The following MYOM1 variants were observed in gnomAD, a reference collection of about 807,000 sequenced individuals.
MYOM1 encodes myomesin-1.
Under a neutral mutation model 205.3 loss-of-function variants are expected in MYOM1, and 164 were observed. The observed-to-expected ratio is 0.80, with a 90% CI of 0.70 to 0.91. The LOEUF is 0.91. Among genes scored for constraint, MYOM1 ranks in the 40% least tolerant of loss-of-function variants. The pLI, the probability that MYOM1 is intolerant of heterozygous loss-of-function variation, is 0.00. For synonymous variants in MYOM1, 772 were observed against 789.4 expected (o/e 0.98, Z 0.37); for missense variants, 2,011 against 2,127.3 (o/e 0.95, Z 1.08).
At chr18:3,070,068 T>C (rs1463277474) in intron 37 of MYOM1, among the ~76,000 whole-genome samples, 1 of 152,240 alleles carries the variant, frequency 6.6e-6, no homozygotes, top group African/African-American at 2.4e-5. Flanking sequence ...ATGTCTTCAC[T>C]GCCCTTTGAA....
chr18:3,103,723 T>C (rs935105544), intron 22 of MYOM1, among the ~76,000 whole-genome samples: 32 of 152,238 alleles, frequency 2.1e-4, no homozygotes, highest in African/African-American at 7.5e-4. Flanking sequence ...CCTGGCCTAC[T>C]GTCCAATAAA....
rs548046452 is a variant in MYOM1, at chr18:3,102,338, T to C, written c.3575+136A>G. The C allele has an allele frequency of 3.1e-6, 3 of 955,526 alleles. No individual in the cohort carries two copies. The African/African-American group carries it at 5.0e-5, about 16-fold the overall frequency. The allele number at this position is 955,526 out of a possible 1,614,324, so 59.2% of individuals were successfully genotyped here. On this transcript the variant is annotated intron_variant, in intron 23 of 37. Transcript: ENST00000356443. Reference sequence around the variant, plus strand: ...TATTTTTAAGGTTTAAGTTGGTTATTATTTTCTACAATACCAGATATAAAA... The same window carrying C: ...TATTTTTAAGGTTTAAGTTGGTTATCATTTTCTACAATACCAGATATAAAA...
At chr18:3,084,980 A>C in intron 31 of MYOM1, 65 bp downstream of exon 31, 1 of 1,240,716 alleles carries the variant, frequency 8.1e-7, no homozygotes, top group Non-Finnish European at 1.1e-6. Flanking sequence ...CTCGGCCTCA[A>C]TCATCATTCT....
intron 19 of MYOM1, among the ~76,000 whole-genome samples, chr18:3,125,191 G>A (rs1006844840): frequency 3.9e-5 from 6 of 152,158 alleles, no homozygotes; most frequent in African/African-American, 1.4e-4. Context: ...CTAGTAAAGT[G>A]GAAGATAAAC....
intron 15 of MYOM1, 114 bp from the exon 16 acceptor site, chr18:3,134,938 A>C: frequency 1.9e-6 from 2 of 1,066,786 alleles, no homozygotes; most frequent in Admixed American, 2.5e-5. Flanking sequence ...TCAAAAGAAC[A>C]GCTGCTTTAT....
At chr18:3,080,570 A>G (rs1567894440) in intron 33 of MYOM1, among the ~76,000 whole-genome samples, 1 of 151,882 alleles carries the variant, frequency 6.6e-6, no homozygotes. Flanking sequence ...GCTACTCAGG[A>G]GGCTGAGGCA....
rs560011520 is a variant in MYOM1 at position 3,137,162 on chromosome 18, G to A, written c.2026-1432C>T. ...AGGGGGGTTTCACCGTGTTAGCCAG[G>A]ATGGTCTCGATCTCCTGACCTCGTG... On this transcript the variant is annotated intron_variant, in intron 14 of 37. Coordinates refer to ENST00000356443, the MANE Select transcript of MYOM1 (RefSeq NM_003803.4). Among the ~76,000 whole-genome samples, 129 of 152,032 alleles carry A rather than the reference G, an allele frequency of 8.5e-4. 3 individuals are homozygous for A. The South Asian group carries it at 0.026, about 31-fold the overall frequency.
At chr18:3,243,254 T>C in the MYOM1 span, among the ~76,000 whole-genome samples, 1 of 152,360 alleles carries the variant, frequency 6.6e-6, no homozygotes, top group East Asian at 1.9e-4. Context: ...AAAGGATTAA[T>C]GCTAATTGTT....
chr18:3,124,747 G>A (rs1236464982), intron 19 of MYOM1, among the ~76,000 whole-genome samples: 2 of 152,034 alleles, frequency 1.3e-5, no homozygotes, highest in Non-Finnish European at 2.9e-5. Flanking sequence ...AAATGTAAGT[G>A]GCAAAATAGT....
chr18:3,243,460 A>G, the MYOM1 span, among the ~76,000 whole-genome samples: 1 of 152,202 alleles, frequency 6.6e-6, no homozygotes, highest in African/African-American at 2.4e-5. Context: ...TGTTTGGGTA[A>G]CGAAATTTTC....
chr18:3,226,138 A>C, the MYOM1 span, among the ~76,000 whole-genome samples: 18 of 152,208 alleles, frequency 1.2e-4, no homozygotes, highest in Non-Finnish European at 1.9e-4. The surrounding 1 kb of genome is among the most constrained non-coding windows in gnomAD (Gnocchi z 4.6). Context: ...TAATGCATAC[A>C]TTATGTGGCA....
chr18:3,163,219 C>T (rs1200909722), intron 10 of MYOM1, among the ~76,000 whole-genome samples: 2 of 152,150 alleles, frequency 1.3e-5, no homozygotes, highest in African/African-American at 4.8e-5. Context: ...CTGAAATACA[C>T]ATTAAAGACT....
the MYOM1 span, among the ~76,000 whole-genome samples, chr18:3,239,126 A>C: frequency 1.3e-5 from 2 of 152,218 alleles, no homozygotes; most frequent in Non-Finnish European, 2.9e-5. Flanking sequence ...GCTTATACAT[A>C]CGGGGTACAT....
the MYOM1 span, among the ~76,000 whole-genome samples, chr18:3,237,547 C>T: frequency 2.1e-5 from 3 of 140,402 alleles, no homozygotes; most frequent in Non-Finnish European, 4.5e-5. Context: ...TGCAGTGAGC[C>T]GAGATCACAC....
At position 3,112,392 on chromosome 18, in the gene MYOM1, G is replaced by A. The variant is rs1393670079; in HGVS notation, c.3324C>T (p.Gly1108=). 2.5e-6 allele frequency: 4 copies of A among 1,607,866 alleles called. No individual in the cohort carries two copies. Among genetic ancestry groups the A allele is most frequent in the Non-Finnish European group, 2.6e-6 (3 of 1,175,752 alleles). Residue 1108 remains glycine (G), a synonymous_variant, in exon 22 of 38, where the codon GGC becomes GGT. Coordinates refer to ENST00000356443, the MANE Select transcript of MYOM1 (RefSeq NM_003803.4). ...VYLKVRGLKE[G]VSYVFRVRAI... ...CTCGAACACGGAACACGTAGCTGAC[G>A]CCCTCCTTGAGGCCTCGAACCTGGT...
intron 37 of MYOM1, 142 bp from the exon 38 acceptor site, chr18:3,067,697 G>T (rs2078913587): frequency 2.4e-6 from 2 of 819,068 alleles, no homozygotes; most frequent in Admixed American, 2.9e-5. Flanking sequence ...AAGTAGTTCT[G>T]TGTATGCACC....
intron 29 of MYOM1, among the ~76,000 whole-genome samples, chr18:3,087,175 CT>C (rs2079164049): frequency 6.6e-6 from 1 of 152,156 alleles, no homozygotes. Context: ...ACCCAGAGGA[CT>C]AGAAATGCAC....
At chr18:3,224,854 ACAGGGTTTCAC>A (rs1357256006), upstream of MYOM1, among the ~76,000 whole-genome samples, 1 of 151,984 alleles carries the variant, frequency 6.6e-6, no homozygotes, top group Non-Finnish European at 1.5e-5. Flanking sequence ...TTTAGTAGAG[ACAGGGTTTCAC>A]CATCTTGGCC....
intron 22 of MYOM1, among the ~76,000 whole-genome samples, chr18:3,103,771 A>C (rs1200865905): frequency 3.9e-5 from 6 of 152,206 alleles, no homozygotes; most frequent in Admixed American, 3.9e-4. Flanking sequence ...CGTTTTCCCA[A>C]GGGAAGGCCA....
Sources: allele counts gnomAD v4.1 joint callset (sites outside exome capture counted in the v4.1 genomes callset), GRCh38; gene constraint gnomAD v4.1.1; non-coding constraint Gnocchi (gnomAD v3.1); transcripts MANE v1.5; gene names NCBI Gene and HGNC (gene_info 2026-07-23, HGNC 2026-07-21).